Variants in COG7 observed in about 807,000 individuals in gnomAD.
The protein encoded by COG7 is conserved oligomeric Golgi complex subunit 7.
In COG7, 49 loss-of-function variants were observed where a neutral mutation model predicts 91.5. The ratio of observed to expected loss-of-function variants is 0.54; its 90% CI spans 0.43 to 0.68. The LOEUF (loss-of-function observed/expected upper bound fraction) is 0.68, where lower values mean the gene tolerates loss of function less well. Ranked by LOEUF, COG7 falls within the 30% of genes least tolerant of loss-of-function variation. COG7 has a pLI of 0.00. For missense variants in COG7, 895 were observed against 961.3 expected (o/e 0.93, Z 0.91); for synonymous variants, 365 against 388.7 (o/e 0.94, Z 0.72).
intron 4 of COG7, among the ~76,000 whole-genome samples, chr16:23,438,730 C>A (rs994447269): frequency 6.7e-6 from 1 of 148,968 alleles, no homozygotes. Flanking sequence ...GGCTATAATC[C>A]AAAAAAAAAC....
At chr16:23,448,841 A>G (rs1964221022) in intron 1 of COG7, among the ~76,000 whole-genome samples, 1 of 152,326 alleles carries the variant, frequency 6.6e-6, no homozygotes, top group Non-Finnish European at 1.5e-5. Flanking sequence ...CTCAGTTTCT[A>G]CAAGTCTACA....
chr16:23,391,833 G>A (rs751371347), intron 16 of COG7: 4 of 240,970 alleles, frequency 1.7e-5, no homozygotes, highest in Non-Finnish European at 2.3e-5. Flanking sequence ...AAGGGGACAC[G>A]CCCACTGACT....
intron 6 of COG7, among the ~76,000 whole-genome samples, chr16:23,431,959 C>T (rs561525665): frequency 6.6e-6 from 1 of 151,950 alleles, no homozygotes; most frequent in African/African-American, 2.4e-5. Context: ...CTGGGCAACA[C>T]AGTGAGATCC....
chr16:23,441,562 G>A (rs1362577814), intron 4 of COG7, among the ~76,000 whole-genome samples: 4 of 152,098 alleles, frequency 2.6e-5, no homozygotes, highest in South Asian at 2.1e-4. Context: ...GGAACACAGC[G>A]AGACTTCGTC....
intron 13 of COG7, among the ~76,000 whole-genome samples, chr16:23,401,770 T>A (rs1047467948): frequency 1.3e-5 from 2 of 151,074 alleles, no homozygotes; most frequent in East Asian, 3.9e-4. Flanking sequence ...AAAAAAAAAA[T>A]CTCGACCAGG....
intron 9 of COG7, 52 bp downstream of exon 9, chr16:23,416,915 G>C: frequency 6.2e-7 from 1 of 1,609,446 alleles, no homozygotes; most frequent in Non-Finnish European, 8.5e-7. Context: ...TTTTATCTGG[G>C]ACAGACACTG....
chr16:23,421,850 CA>C (rs369425955), intron 7 of COG7, among the ~76,000 whole-genome samples: 776 of 47,656 alleles, frequency 0.016, 3 homozygotes, highest in East Asian at 0.037. Flanking sequence ...GACTCCATCT[CA>C]AAAAAAAAAA....
chr16:23,406,758 C>G (rs891826355), intron 11 of COG7, among the ~76,000 whole-genome samples: 2 of 152,178 alleles, frequency 1.3e-5, no homozygotes, highest in Admixed American at 6.5e-5. Flanking sequence ...TCCTACATGC[C>G]GAGCTTGCAT....
At chr16:23,452,720 CT>C in intron 1 of COG7, 105 bp downstream of exon 1, 2 of 1,495,494 alleles carry the variant, frequency 1.3e-6, no homozygotes, top group Non-Finnish European at 1.8e-6. Context: ...AGGGTATTTG[CT>C]GTCCATGCGT....
At chr16:23,392,084 C>G (rs995392934) in intron 16 of COG7, 4 of 1,306,202 alleles carry the variant, frequency 3.1e-6, no homozygotes, top group Non-Finnish European at 3.9e-6. Context: ...ACAAATGGAG[C>G]GGGCCAGGTG....
intron 5 of COG7, among the ~76,000 whole-genome samples, chr16:23,434,133 G>A (rs1218557740): frequency 2.6e-5 from 4 of 152,206 alleles, no homozygotes; most frequent in Non-Finnish European, 5.9e-5. Flanking sequence ...TTCCAAGCCA[G>A]GTGGAGTGGC....
At chr16:23,440,405 T>C (rs1596952967) in intron 4 of COG7, among the ~76,000 whole-genome samples, 1 of 147,202 alleles carries the variant, frequency 6.8e-6, no homozygotes, top group Non-Finnish European at 1.5e-5. Flanking sequence ...GGTATTACAA[T>C]GAGATACAAA....
At chr16:23,431,002 T>G (rs1963925679) in intron 6 of COG7, among the ~76,000 whole-genome samples, 1 of 151,740 alleles carries the variant, frequency 6.6e-6, no homozygotes, top group African/African-American at 2.4e-5. Flanking sequence ...CATCTCTGTT[T>G]AATTTAATAT....
intron 7 of COG7, among the ~76,000 whole-genome samples, chr16:23,423,800 G>C (rs1033816232): frequency 6.6e-6 from 1 of 152,322 alleles, no homozygotes; most frequent in Admixed American, 6.5e-5. Flanking sequence ...TGCGTCACGG[G>C]GTCTGTGTTC....
Position 23,453,135 on chromosome 16 carries a change from G to C in COG7, c.-141C>G, listed in dbSNP as rs1964294802. On this transcript the variant is annotated 5_prime_UTR_variant, in exon 1 of 17. Coordinates refer to ENST00000307149, the MANE Select transcript of COG7 (RefSeq NM_153603.4). ...CCAGAAACGCCAGGACGGGTAACTT[G>C]CCCCTTTGCGCTTCCCCGCTCAGCG... 1 of 1,462,434 alleles carries C rather than the reference G, an allele frequency of 6.8e-7. No homozygotes were observed. Among genetic ancestry groups the C allele is most frequent in the Admixed American group, 2.5e-5 (1 of 40,718 alleles). The allele number at this position is 1,462,434 out of a possible 1,614,324, so 90.6% of individuals were successfully genotyped here.
intron 13 of COG7, among the ~76,000 whole-genome samples, chr16:23,402,572 T>C (rs1039344234): frequency 6.6e-6 from 1 of 152,206 alleles, no homozygotes; most frequent in Non-Finnish European, 1.5e-5. Context: ...AGAATTACTA[T>C]ATCCCCATCA....
intron 4 of COG7, 89 bp from the exon 5 acceptor site, chr16:23,434,807 G>C: frequency 2.4e-6 from 2 of 844,258 alleles, no homozygotes; most frequent in South Asian, 1.4e-5. Context: ...TGGATATATG[G>C]AAGCTAGTAT....
In COG7 at chr16:23,442,470, C is replaced by A. The variant is rs763663994; in HGVS notation, c.604+7G>T. ...ATACACAGAGATGAGAAGCAGCTAG[C>A]ACTCACCTACAGCCTGAGAGGTGAA... is the stretch of plus-strand genomic sequence containing the variant. On this transcript the variant is annotated splice_region_variant and intron_variant, in intron 4 of 16. Transcript: ENST00000307149. 1.9e-6 allele frequency: 3 copies of A among 1,613,596 alleles called. No individual in the cohort carries two copies. In the South Asian group the frequency reaches 3.3e-5, roughly 18 times the overall value.
chr16:23,404,526 G>A (rs999949922), intron 12 of COG7, among the ~76,000 whole-genome samples: 3 of 152,258 alleles, frequency 2.0e-5, no homozygotes, highest in South Asian at 2.1e-4. Flanking sequence ...GGGTCAAGGT[G>A]CAAAGAGATG....
Sources: allele counts gnomAD v4.1 joint callset (sites outside exome capture counted in the v4.1 genomes callset), GRCh38; gene constraint gnomAD v4.1.1; transcripts MANE v1.5; gene names NCBI Gene and HGNC (gene_info 2026-07-23, HGNC 2026-07-21).